Variants in DPY19L1 observed in about 807,000 individuals in gnomAD.
DPY19L1 encodes protein C-mannosyl-transferase DPY19L1.
A neutral mutation model predicts 96.9 loss-of-function variants in DPY19L1; 35 were observed. The ratio of observed to expected loss-of-function variants is 0.36; its 90% confidence interval spans 0.28 to 0.48. DPY19L1 has a LOEUF of 0.48. Among genes scored for constraint, DPY19L1 ranks in the 20% least tolerant of loss-of-function variants. DPY19L1 has a pLI of 0.99. For missense variants in DPY19L1, 521 were observed against 777.9 expected, an observed-to-expected ratio of 0.67 and a Z score of 3.93; for synonymous variants, 205 against 252.6, an observed-to-expected ratio of 0.81 and a Z score of 1.79.
intron 4 of DPY19L1, among the ~76,000 whole-genome samples, chr7:35,012,742 TAGA>T (rs1562826521): frequency 1.2e-5 from 1 of 83,370 alleles, no homozygotes; most frequent in African/African-American, 3.6e-5. Flanking sequence ...AAAAAATACA[TAGA>T]CATCATACAC....
At chr7:35,025,688 G>A (rs771561950) in intron 1 of DPY19L1, among the ~76,000 whole-genome samples, 1 of 152,084 alleles carries the variant, frequency 6.6e-6, no homozygotes, top group East Asian at 1.9e-4. Context: ...ATTTACTGAA[G>A]GTCCACTCAT....
At chr7:34,939,197 T>C (rs1783939245) in intron 20 of DPY19L1, 79 bp downstream of exon 20, 4 of 1,264,692 alleles carry the variant, frequency 3.2e-6, no homozygotes, top group Admixed American at 4.0e-5. Context: ...AAACATTCCT[T>C]ATTACTTTGC....
rs1348884544 is a variant in DPY19L1 at position 35,037,258 on chromosome 7, G to A, written c.137C>T (p.Ser46Phe). Reference protein sequence around the residue: ...GEPGPERAPLSPGRKGAAGRK... With the variant: ...GEPGPERAPLFPGRKGAAGRK... Reference sequence around the variant, plus strand: ...GCCCGCGGCGCCCTTGCGCCCCGGGGACAGGGGCGCGCGCTCGGGCCCCGG... The same window carrying A: ...GCCCGCGGCGCCCTTGCGCCCCGGGAACAGGGGCGCGCGCTCGGGCCCCGG... The change falls in exon 1 of 22, where the codon TCC (serine) becomes TTC (phenylalanine). Residue 46 changes from serine (S) to phenylalanine (F), a missense_variant. Transcript: ENST00000638088. 2 of 298,044 alleles carry A rather than the reference G, an allele frequency of 6.7e-6. No individual in the cohort carries two copies. The highest frequency in any genetic ancestry group is 2.2e-5 in the African/African-American group (1 of 44,530). 18.5% of individuals were successfully genotyped at this position (298,044 alleles called of 1,614,324 possible). A position where few individuals can be genotyped will look rare whatever the true frequency, so the allele number is the denominator to read the frequency against.
At chr7:35,037,691 G>A, upstream of DPY19L1, 1 of 380,942 alleles carries the variant, frequency 2.6e-6, no homozygotes, top group Non-Finnish European at 3.6e-6. Flanking sequence ...GGGACACCCT[G>A]CGAGCGGCCG....
intron 6 of DPY19L1, among the ~76,000 whole-genome samples, chr7:35,002,285 T>A (rs1044161425): frequency 2.0e-5 from 3 of 151,972 alleles, no homozygotes; most frequent in Non-Finnish European, 2.9e-5. Flanking sequence ...TACTATTTTT[T>A]AAAAAGGAAT....
chr7:35,017,389 G>T (rs1178222930), intron 3 of DPY19L1, among the ~76,000 whole-genome samples: 1 of 151,452 alleles, frequency 6.6e-6, no homozygotes, highest in Non-Finnish European at 1.5e-5. Flanking sequence ...CAGCTACTGG[G>T]GAGGCTGAGG....
chr7:34,992,130 G>T (rs887046523), intron 6 of DPY19L1, among the ~76,000 whole-genome samples: 1 of 152,096 alleles, frequency 6.6e-6, no homozygotes, highest in Non-Finnish European at 1.5e-5. Flanking sequence ...GCAGGAGGTC[G>T]TTTCTCCACC....
intron 6 of DPY19L1, among the ~76,000 whole-genome samples, chr7:35,004,705 T>A (rs538082909): frequency 6.6e-6 from 1 of 152,234 alleles, no homozygotes. Flanking sequence ...ACTCATATGA[T>A]AGCAATGCAT....
chr7:34,976,608 C>T (rs1025110088), intron 7 of DPY19L1, among the ~76,000 whole-genome samples: 2 of 152,188 alleles, frequency 1.3e-5, no homozygotes, highest in African/African-American at 4.8e-5. Context: ...TCACTTGCTA[C>T]AGAGGAATCT....
Position 35,017,501 on chromosome 7 carries a change from CAAAAAA to C in DPY19L1, c.411+375_411+380del, listed in dbSNP as rs1161959357. On this transcript the variant is annotated intron_variant, in intron 3 of 21. Coordinates refer to ENST00000638088, the MANE Select transcript of DPY19L1 (RefSeq NM_001366673.1). ...TGGGCGACAGAGCGAGACTCCGTCT[CAAAAAA>C]AAAAAAAAAAAAAAATTAGCCGGGC... Among the ~76,000 whole-genome samples, 3 of 13,678 alleles carry C rather than the reference CAAAAAA, an allele frequency of 2.2e-4. 1 individual carries two copies. The highest frequency in any genetic ancestry group is 4.7e-3 in the South Asian group (2 of 428). 9.0% of individuals were successfully genotyped at this position (13,678 alleles called of 152,430 possible). A position where few individuals can be genotyped will look rare whatever the true frequency, so the allele number is the denominator to read the frequency against.
At chr7:35,002,125 CAA>C (rs548044939) in intron 6 of DPY19L1, among the ~76,000 whole-genome samples, 6 of 47,082 alleles carry the variant, frequency 1.3e-4, no homozygotes, top group Admixed American at 2.2e-4. Context: ...GACTCCAGCT[CAA>C]AAAAAAAAAA....
chr7:34,959,814 G>A (rs1784454088), intron 10 of DPY19L1, among the ~76,000 whole-genome samples: 1 of 149,842 alleles, frequency 6.7e-6, no homozygotes, highest in African/African-American at 2.5e-5. Flanking sequence ...GTATACCTAT[G>A]TAACAAAACT....
intron 6 of DPY19L1, 81 bp downstream of exon 6, chr7:35,010,387 A>G: frequency 2.5e-6 from 2 of 799,618 alleles, no homozygotes; most frequent in Non-Finnish European, 3.9e-6. Context: ...ACTGAACTAT[A>G]AATTAATCAA....
chr7:34,984,760 G>C (rs1785012566), intron 7 of DPY19L1, among the ~76,000 whole-genome samples: 1 of 152,056 alleles, frequency 6.6e-6, no homozygotes, highest in African/African-American at 2.4e-5. Context: ...TCATCCTCTA[G>C]TGGCATTCCA....
intron 10 of DPY19L1, among the ~76,000 whole-genome samples, chr7:34,963,909 G>C (rs1229793214): frequency 6.6e-6 from 1 of 152,182 alleles, no homozygotes; most frequent in African/African-American, 2.4e-5. Context: ...ACAGAAAGTA[G>C]AATGGTGGTT....
Position 35,010,411 on chromosome 7 carries a change from A to C in DPY19L1, c.764+57T>G, listed in dbSNP as rs1584253794. 3 of 950,370 alleles carry C rather than the reference A, an allele frequency of 3.2e-6. No homozygotes were observed. In the East Asian group the frequency reaches 8.1e-5, roughly 26 times the overall value. 58.9% of individuals were successfully genotyped at this position (950,370 alleles called of 1,614,324 possible). A position where few individuals can be genotyped will look rare whatever the true frequency, so the allele number is the denominator to read the frequency against. ...TAAATTAATCAATGATTAACTATTA[A>C]CTAATCAACTATTTTATTTTAGTAT... On this transcript the variant is annotated intron_variant, in intron 6 of 21. Coordinates refer to ENST00000638088, the MANE Select transcript of DPY19L1 (RefSeq NM_001366673.1).
At chr7:35,006,003 T>C (rs962735968) in intron 6 of DPY19L1, among the ~76,000 whole-genome samples, 3 of 152,170 alleles carry the variant, frequency 2.0e-5, no homozygotes, top group Non-Finnish European at 4.4e-5. Context: ...CTTTTTTCGA[T>C]GATTCTCTGA....
At chr7:34,976,760 G>C (rs1584232167) in intron 7 of DPY19L1, among the ~76,000 whole-genome samples, 6 of 152,284 alleles carry the variant, frequency 3.9e-5, no homozygotes, top group African/African-American at 1.4e-4. Context: ...TGAACAACTT[G>C]CTGAAGGTTC....
chr7:34,983,062 C>T (rs1310013093), intron 7 of DPY19L1, among the ~76,000 whole-genome samples: 1 of 152,156 alleles, frequency 6.6e-6, no homozygotes, highest in Non-Finnish European at 1.5e-5. Flanking sequence ...TGGAAGTAAA[C>T]TAAAACAAAT....
Sources: gnomAD v4.1 joint callset for allele counts (sites outside exome capture counted in the v4.1 genomes callset) on GRCh38, gnomAD v4.1.1 for gene constraint, MANE v1.5 for transcripts, NCBI Gene and HGNC (gene_info 2026-07-23, HGNC 2026-07-21) for gene names.